Variants in ALPK2 observed in about 807,000 individuals in gnomAD.
ALPK2 encodes the protein alpha-protein kinase 2.
Under a neutral mutation model 163.1 loss-of-function variants are expected in ALPK2, and 127 were observed. That is an observed-to-expected ratio of 0.78 (90% CI 0.67 to 0.90). The LOEUF is 0.90. Ranked by LOEUF, ALPK2 falls within the 40% of genes least tolerant of loss-of-function variation. ALPK2 has a pLI of 0.00. For missense variants in ALPK2, 2,360 were observed against 2,589.6 expected (o/e 0.91, Z 1.92); for synonymous variants, 953 against 959.1 (o/e 0.99, Z 0.12).
At chr18:58,496,239 G>A (rs2051400522) in intron 12 of ALPK2, among the ~76,000 whole-genome samples, 1 of 152,182 alleles carries the variant, frequency 6.6e-6, no homozygotes, top group African/African-American at 2.4e-5. Flanking sequence ...ATCAGGGTAT[G>A]AACTGGGTCT....
chr18:58,505,507 T>C (rs2051457412), intron 10 of ALPK2, among the ~76,000 whole-genome samples: 1 of 152,122 alleles, frequency 6.6e-6, no homozygotes, highest in South Asian at 2.1e-4. Flanking sequence ...ACAGGTGCCC[T>C]GGTCCCCGCC....
chr18:58,551,078 G>A (rs1201009531), intron 4 of ALPK2, among the ~76,000 whole-genome samples: 1 of 150,836 alleles, frequency 6.6e-6, no homozygotes, highest in Non-Finnish European at 1.5e-5. Context: ...TAGTTTCCTG[G>A]GCTTCTTTAG....
At chr18:58,559,070 C>A (rs1159344717) in intron 4 of ALPK2, among the ~76,000 whole-genome samples, 1 of 152,194 alleles carries the variant, frequency 6.6e-6, no homozygotes, top group Admixed American at 6.5e-5. Context: ...CATTAAATTT[C>A]TATTGGACAG....
intron 3 of ALPK2, among the ~76,000 whole-genome samples, chr18:58,582,811 T>TTA (rs1255377063): frequency 1.3e-5 from 2 of 151,914 alleles, no homozygotes; most frequent in Non-Finnish European, 2.9e-5. Flanking sequence ...GGGGGCAAGA[T>TTA]TATAGGTCAT....
At chr18:58,582,186 G>T (rs570192844) in intron 3 of ALPK2, among the ~76,000 whole-genome samples, 1 of 152,268 alleles carries the variant, frequency 6.6e-6, no homozygotes, top group African/African-American at 2.4e-5. Flanking sequence ...CAACTTTCTG[G>T]AGAAAACAAT....
rs773294502 is a variant in ALPK2, at chr18:58,536,765, C to T, written c.3422G>A (p.Ser1141Asn). 6.2e-7 allele frequency: 1 copy of T among 1,614,206 alleles called. No homozygotes were observed. The highest frequency in any genetic ancestry group is 1.1e-5 in the South Asian group (1 of 91,082). ...SETKQGVQQQ[S>N]LSQQGSLSAP... ...AGAAAGAGAACCCTGCTGGGACAGG[C>T]TCTGCTGCTGGACCCCCTGCTTTGT... Residue 1141 changes from serine (S) to asparagine (N), a missense_variant, in exon 5 of 13, where the codon AGC becomes AAC. By Grantham distance (46) the Ser-to-Asn change is conservative. Transcript: ENST00000361673.
chr18:58,534,974 A>T lies in ALPK2; in HGVS notation c.5213T>A (p.Leu1738Gln). 6.2e-7 allele frequency: 1 copy of T among 1,614,170 alleles called. No homozygotes were observed. The highest frequency in any genetic ancestry group is 8.5e-7 in the Non-Finnish European group (1 of 1,180,018). ...KKKILSRVAALRLKLEEKENI... is the reference protein window; with the variant it reads ...KKKILSRVAAQRLKLEEKENI... The stretch of plus-strand genomic sequence containing the variant: ...TTCCTTTTCTTCCAGTTTCAGCCTC[A>T]GTGCTGCCACCCTGGACAAAATTTT... The change falls in exon 5 of 13, where the codon CTG (leucine) becomes CAG (glutamine). Residue 1738 changes from leucine (L) to glutamine (Q), a missense_variant. By Grantham distance (113) the Leu-to-Gln change is moderately radical. Coordinates refer to ENST00000361673, the MANE Select transcript of ALPK2 (RefSeq NM_052947.4).
chr18:58,606,675 C>T (rs532586235), intron 3 of ALPK2, among the ~76,000 whole-genome samples: 7 of 152,288 alleles, frequency 4.6e-5, no homozygotes, highest in Non-Finnish European at 8.8e-5. Context: ...AACCCTCAGG[C>T]TCCTCAGAGC....
At chr18:58,508,039 G>GT (rs1257228298) in intron 10 of ALPK2, among the ~76,000 whole-genome samples, 1 of 152,144 alleles carries the variant, frequency 6.6e-6, no homozygotes, top group Non-Finnish European at 1.5e-5. Context: ...TTCAGACCCT[G>GT]TATTCTGATG....
chr18:58,524,927 T>C (rs1417903347), intron 6 of ALPK2, among the ~76,000 whole-genome samples: 1 of 123,716 alleles, frequency 8.1e-6, no homozygotes, highest in Non-Finnish European at 1.6e-5. Context: ...TTCCAAAGTC[T>C]CAAACAAAAA....
chr18:58,503,830 C>T (rs2051446144), intron 11 of ALPK2, 101 bp downstream of exon 11: 10 of 1,069,756 alleles, frequency 9.3e-6, no homozygotes, highest in South Asian at 8.1e-5. Flanking sequence ...TTCAAGGTAC[C>T]CAGCAGGCCT....
intron 5 of ALPK2, among the ~76,000 whole-genome samples, chr18:58,529,867 C>A (rs1472376718): frequency 1.3e-5 from 2 of 152,206 alleles, no homozygotes; most frequent in Admixed American, 6.5e-5. Flanking sequence ...TGAAATATCA[C>A]CTCAGTATCA....
chr18:58,623,557 C>G (rs1164140227), intron 1 of ALPK2, among the ~76,000 whole-genome samples: 1 of 152,216 alleles, frequency 6.6e-6, no homozygotes, highest in Non-Finnish European at 1.5e-5. Context: ...CCCCTGCCTC[C>G]TGGGCTCAAG....
At chr18:58,593,901 T>G (rs376042005) in intron 3 of ALPK2, among the ~76,000 whole-genome samples, 1 of 78,382 alleles carries the variant, frequency 1.3e-5, no homozygotes, top group African/African-American at 5.0e-5. Flanking sequence ...ATAAAAATAA[T>G]AAAAGGAAAA....
intron 4 of ALPK2, among the ~76,000 whole-genome samples, chr18:58,556,190 C>A (rs2051790325): frequency 1.3e-5 from 2 of 148,226 alleles, no homozygotes; most frequent in African/African-American, 5.3e-5. Context: ...CACACACGCA[C>A]ACACAATTCA....
At chr18:58,518,681 A>G (rs1318682922) in intron 8 of ALPK2, among the ~76,000 whole-genome samples, 1 of 152,186 alleles carries the variant, frequency 6.6e-6, no homozygotes, top group Non-Finnish European at 1.5e-5. Flanking sequence ...ACTGAAGACA[A>G]CTTTAGACCC....
chr18:58,607,501 A>C (rs77155585), intron 2 of ALPK2, 62 bp from the exon 3 acceptor site: 56 of 1,086,448 alleles, frequency 5.2e-5, no homozygotes, highest in Middle Eastern at 2.0e-4. Flanking sequence ...AAAAAAAAAA[A>C]CCCATAAAGC....
rs551905064 is a variant in ALPK2 at position 58,497,307 on chromosome 18, T to C, written c.6296+742A>G. The stretch of plus-strand genomic sequence containing the variant: ...CCCCCTTACAGATGGTCTTAGTACG[T>C]AGGAAGAGCAGGAGTGGGCAAAGGC... On this transcript the variant is annotated intron_variant, in intron 12 of 12. Transcript: ENST00000361673. 1.4e-4 allele frequency among the ~76,000 whole-genome samples: 22 copies of C among 152,250 alleles called. No homozygotes were observed. The East Asian group carries it at 4.2e-3, about 29-fold the overall frequency.
chr18:58,576,940 G>A (rs981615766), intron 4 of ALPK2, among the ~76,000 whole-genome samples: 3 of 152,156 alleles, frequency 2.0e-5, no homozygotes, highest in Non-Finnish European at 2.9e-5. Flanking sequence ...CAAGCCCTTC[G>A]GTTTGCTTTC....
Sources: allele counts gnomAD v4.1 joint callset (sites outside exome capture counted in the v4.1 genomes callset), GRCh38; gene constraint gnomAD v4.1.1; transcripts MANE v1.5; gene names NCBI Gene and HGNC (gene_info 2026-07-23, HGNC 2026-07-21).